Variants in FRYL observed in about 807,000 individuals in gnomAD.
The protein encoded by FRYL is protein furry homolog-like.
FRYL carries 150 observed loss-of-function variants against 351.2 expected under a neutral mutation model. The ratio of observed to expected loss-of-function variants is 0.43; its 90% CI spans 0.37 to 0.49. FRYL has a LOEUF of 0.49. Among genes scored for constraint, FRYL ranks in the 20% least tolerant of loss-of-function variants. The pLI is 0.00. For synonymous variants in FRYL, 1,153 were observed against 1,257.1 expected (o/e 0.92, Z 1.75); for missense variants, 3,036 against 3,619.3 (o/e 0.84, Z 4.13).
chr4:48,650,540 A>T (rs1054104793), intron 3 of FRYL, among the ~76,000 whole-genome samples: 21 of 152,312 alleles, frequency 1.4e-4, no homozygotes, highest in East Asian at 3.9e-4. Context: ...AGGAGTAAAA[A>T]TCATTGCGAT....
chr4:48,560,597 A>G (rs1476909725), intron 33 of FRYL, among the ~76,000 whole-genome samples: 2 of 152,102 alleles, frequency 1.3e-5, no homozygotes, highest in East Asian at 1.9e-4. Context: ...AGCAGCCACA[A>G]AATCTGTGTT....
chr4:48,588,758 G>C (rs1415449369), intron 18 of FRYL, among the ~76,000 whole-genome samples: 1 of 152,112 alleles, frequency 6.6e-6, no homozygotes, highest in East Asian at 1.9e-4. Flanking sequence ...CCACCCACCT[G>C]TAAGTAATAA....
intron 3 of FRYL, among the ~76,000 whole-genome samples, chr4:48,675,328 G>A (rs188558517): frequency 3.9e-5 from 6 of 152,346 alleles, no homozygotes; most frequent in Non-Finnish European, 8.8e-5. Context: ...TCACCTTGCA[G>A]GGAGGTGTGG....
chr4:48,502,098 G>T (rs1306472378), intron 61 of FRYL, among the ~76,000 whole-genome samples: 3 of 152,116 alleles, frequency 2.0e-5, no homozygotes, highest in Admixed American at 6.5e-5. Flanking sequence ...TTGAGATGTA[G>T]ATCTCACTGC....
chr4:48,716,815 A>C (rs1286826330), intron 1 of FRYL, among the ~76,000 whole-genome samples: 1 of 151,600 alleles, frequency 6.6e-6, no homozygotes, highest in South Asian at 2.1e-4. Context: ...ATGAAGACAC[A>C]TGCACATGTA....
rs181534963 is a variant in FRYL at position 48,753,291 on chromosome 4, C to A, written c.-384+26787G>T. Among the ~76,000 whole-genome samples the A allele has an allele frequency of 9.2e-5, 14 of 152,118 alleles. No homozygotes were observed. In the East Asian group the frequency reaches 2.5e-3, roughly 27 times the overall value. The stretch of plus-strand genomic sequence containing the variant: ...CCAGTGACTTCAAAGTTACAGAAGT[C>A]ATGTTTACAAGCTTGTCAGTATAAA... On this transcript the variant is annotated intron_variant, in intron 1 of 63. Coordinates refer to ENST00000358350, the MANE Select transcript of FRYL (RefSeq NM_015030.2).
intron 45 of FRYL, among the ~76,000 whole-genome samples, chr4:48,541,185 G>GCT (rs1463732108): frequency 6.6e-6 from 1 of 152,114 alleles, no homozygotes; most frequent in Non-Finnish European, 1.5e-5. Context: ...TTGAAAGGAG[G>GCT]CTCTACTTGC....
rs988128005 is a variant in FRYL at position 48,714,384 on chromosome 4, T to C, written c.-383-3686A>G. The stretch of plus-strand genomic sequence containing the variant: ...ATTGATAGACCGCTAGCAAGACTAA[T>C]AAAGAAAAAAAGAGAGAAGAATCAA... On this transcript the variant is annotated intron_variant, in intron 1 of 63. Coordinates refer to ENST00000358350, the MANE Select transcript of FRYL (RefSeq NM_015030.2). 7.7e-4 allele frequency among the ~76,000 whole-genome samples: 98 copies of C among 127,440 alleles called. 1 individual carries two copies. The highest frequency in any genetic ancestry group is 2.6e-3 in the African/African-American group (93 of 35,682). The allele number at this position is 127,440 out of a possible 152,430, so 83.6% of individuals were successfully genotyped here. A position where few individuals can be genotyped will look rare whatever the true frequency, so the allele number is the denominator to read the frequency against.
At chr4:48,731,556 A>G (rs1215356534) in intron 1 of FRYL, among the ~76,000 whole-genome samples, 2 of 152,200 alleles carry the variant, frequency 1.3e-5, no homozygotes, top group Non-Finnish European at 2.9e-5. Context: ...ACAGTAACCA[A>G]AACAGCATGG....
At chr4:48,555,324 C>A (rs1264358905) in intron 35 of FRYL, among the ~76,000 whole-genome samples, 1 of 152,190 alleles carries the variant, frequency 6.6e-6, no homozygotes, top group South Asian at 2.1e-4. Context: ...TAGACAAAAA[C>A]TACCATTCTT....
intron 1 of FRYL, among the ~76,000 whole-genome samples, chr4:48,779,717 C>G (rs1183381605): frequency 6.6e-6 from 1 of 151,864 alleles, no homozygotes; most frequent in Non-Finnish European, 1.5e-5. Flanking sequence ...GAGAAGGCGG[C>G]GCGCGAGGGG....
chr4:48,540,265 G>C (rs1729876494), intron 46 of FRYL, 88 bp downstream of exon 46: 1 of 1,423,828 alleles, frequency 7.0e-7, no homozygotes, highest in Non-Finnish European at 9.4e-7. Context: ...TTTGCAAAAA[G>C]CAGAAATTAG....
intron 3 of FRYL, among the ~76,000 whole-genome samples, chr4:48,658,840 A>T (rs981135060): frequency 4.8e-5 from 5 of 105,104 alleles, no homozygotes; most frequent in South Asian, 8.4e-4. Context: ...ACCACCACAC[A>T]TGAAATATAA....
Position 48,710,923 on chromosome 4 carries a change from T to C in FRYL, c.-383-225A>G, listed in dbSNP as rs6811201. On this transcript the variant is annotated intron_variant, in intron 1 of 63. Transcript: ENST00000358350. ...TTCATAGCAGCATTATTTGTAATGG[T>C]CAAAAGGCAGAAACAACCTAAATGT... 3.2e-3 allele frequency among the ~76,000 whole-genome samples: 484 copies of C among 152,234 alleles called. 1 individual carries two copies. Among genetic ancestry groups the C allele is most frequent in the African/African-American group, 0.011 (463 of 41,526 alleles).
rs1283777547 is a variant in FRYL at position 48,497,411 on chromosome 4, A to G, written c.*2011T>C. 6.6e-6 allele frequency: 1 copy of G among 152,588 alleles called. No homozygotes were observed. The highest frequency in any genetic ancestry group is 6.5e-5 in the Admixed American group (1 of 15,282). The allele number at this position is 152,588 out of a possible 1,614,324, so 9.5% of individuals were successfully genotyped here. ...TATATTAATAGACTTAGTTACATAT[A>G]AATAAACACAAAAAGCAAATATCAA... On this transcript the variant is annotated 3_prime_UTR_variant, in exon 64 of 64. Coordinates refer to ENST00000358350, the MANE Select transcript of FRYL (RefSeq NM_015030.2).
chr4:48,546,919 T>TA (rs1185200404), intron 41 of FRYL, among the ~76,000 whole-genome samples: 2 of 151,966 alleles, frequency 1.3e-5, no homozygotes, highest in East Asian at 3.9e-4. Context: ...TTTAAATAAA[T>TA]AACAGGGTTT....
intron 17 of FRYL, 99 bp downstream of exon 17, chr4:48,590,560 A>G (rs1337435364): frequency 3.3e-6 from 3 of 900,256 alleles, no homozygotes; most frequent in African/African-American, 3.4e-5. Flanking sequence ...TAGAAAAACC[A>G]TATTAGGCAA....
chr4:48,572,084 C>G (rs1048485691), intron 26 of FRYL: 1 of 741,806 alleles, frequency 1.3e-6, no homozygotes, highest in South Asian at 6.1e-5. Context: ...GATGATGTTT[C>G]AAAGTCCCTA....
chr4:48,732,997 C>T (rs1451564061), intron 1 of FRYL, among the ~76,000 whole-genome samples: 3 of 151,132 alleles, frequency 2.0e-5, no homozygotes, highest in Non-Finnish European at 2.9e-5. Context: ...GAGAAAAGGC[C>T]GGGTGTGGTG....
Sources: gnomAD v4.1 joint callset for allele counts (sites outside exome capture counted in the v4.1 genomes callset) on GRCh38, gnomAD v4.1.1 for gene constraint, MANE v1.5 for transcripts, NCBI Gene and HGNC (gene_info 2026-07-23, HGNC 2026-07-21) for gene names.